MAD1L1: variants seen among roughly 807,000 people sequenced by gnomAD.
MAD1L1 encodes the protein mitotic spindle assembly checkpoint protein MAD1.
Under a neutral mutation model 96.9 loss-of-function variants are expected in MAD1L1, and 95 were observed. The ratio of observed to expected loss-of-function variants is 0.98; its 90% confidence interval spans 0.83 to 1.16. The LOEUF (loss-of-function observed/expected upper bound fraction) is 1.16, where lower values mean the gene tolerates loss of function less well. Ranked by LOEUF, MAD1L1 falls within the 50% of genes most tolerant of loss-of-function variation. MAD1L1 has a pLI of 0.00. For missense variants in MAD1L1, 1,007 were observed against 954.4 expected (o/e 1.06, Z -0.73); for synonymous variants, 473 against 396.6 (o/e 1.19, Z -2.29).
At position 2,181,208 on chromosome 7, in the gene MAD1L1, T is replaced by G. The variant is rs1209586658; in HGVS notation, c.987-31970A>C. Among the ~76,000 whole-genome samples, 8 of 152,268 alleles carry G rather than the reference T, an allele frequency of 5.3e-5. No homozygotes were observed. In the South Asian group the frequency reaches 1.0e-3, roughly 20 times the overall value. On this transcript the variant is annotated intron_variant, in intron 10 of 18. Transcript: ENST00000265854. Reference sequence around the variant, plus strand: ...TTTCTCCACCATGTATGAATTATACTTTCTTGCTTCTTGCATGTCTTCCGA... The same window carrying G: ...TTTCTCCACCATGTATGAATTATACGTTCTTGCTTCTTGCATGTCTTCCGA...
chr7:2,024,478 T>C (rs1047800683), intron 12 of MAD1L1, among the ~76,000 whole-genome samples: 1 of 152,224 alleles, frequency 6.6e-6, no homozygotes, highest in Admixed American at 6.5e-5. Flanking sequence ...GATCAGCATG[T>C]TGCTGTCACA....
rs528218433 is a variant in MAD1L1 at position 2,229,072 on chromosome 7, T to C, written c.150+912A>G. Among the ~76,000 whole-genome samples the C allele has an allele frequency of 6.6e-5, 10 of 152,334 alleles. No individual in the cohort carries two copies. The South Asian group carries it at 1.7e-3, about 25-fold the overall frequency. On this transcript the variant is annotated intron_variant, in intron 3 of 18. Coordinates refer to ENST00000265854, the MANE Select transcript of MAD1L1 (RefSeq NM_001013836.2). ...TAATAAACACACATTAATTCAATTATGCAACAAAACAAATGCACACGCACA... is the reference window on the plus strand; with the variant it reads ...TAATAAACACACATTAATTCAATTACGCAACAAAACAAATGCACACGCACA...
intron 18 of MAD1L1, among the ~76,000 whole-genome samples, chr7:1,863,719 G>A (rs185983557): frequency 1.2e-3 from 182 of 152,306 alleles, no homozygotes; most frequent in Middle Eastern, 3.4e-3. Context: ...GAGGGTGGCC[G>A]GCCTGCAGTC....
chr7:1,892,650 C>G (rs143054521), intron 18 of MAD1L1, among the ~76,000 whole-genome samples: 3 of 151,842 alleles, frequency 2.0e-5, no homozygotes, highest in Non-Finnish European at 4.4e-5. Context: ...GAGGCTGGAC[C>G]TGTATACCTT....
chr7:2,216,823 C>G (rs1453594651), intron 7 of MAD1L1, among the ~76,000 whole-genome samples: 1 of 152,182 alleles, frequency 6.6e-6, no homozygotes, highest in African/African-American at 2.4e-5. Context: ...CTAAACTGCC[C>G]CAGGTCCTCA....
intron 15 of MAD1L1, among the ~76,000 whole-genome samples, chr7:1,978,001 G>A (rs1780724687): frequency 6.6e-6 from 1 of 152,220 alleles, no homozygotes; most frequent in Non-Finnish European, 1.5e-5. Flanking sequence ...GTGGCATTCA[G>A]GACCTTGCAG....
chr7:1,980,364 C>G, intron 15 of MAD1L1, 89 bp downstream of exon 15: 1 of 1,140,100 alleles, frequency 8.8e-7, no homozygotes, highest in South Asian at 1.4e-5. Context: ...GCGTATCTGC[C>G]TCCTCCCCCG....
At chr7:1,907,544 G>A (rs749606121) in intron 17 of MAD1L1, among the ~76,000 whole-genome samples, 33 of 152,244 alleles carry the variant, frequency 2.2e-4, no homozygotes, top group Admixed American at 7.2e-4. Context: ...GCGTAGGCCC[G>A]GCCCCACTGA....
intron 18 of MAD1L1, among the ~76,000 whole-genome samples, chr7:1,825,257 C>T (rs899426825): frequency 1.3e-5 from 2 of 152,212 alleles, no homozygotes; most frequent in Non-Finnish European, 2.9e-5. Flanking sequence ...CTCATCTGCC[C>T]GTCTGCCTGG....
intron 11 of MAD1L1, among the ~76,000 whole-genome samples, chr7:2,087,302 G>C (rs985773959): frequency 6.6e-6 from 1 of 152,218 alleles, no homozygotes; most frequent in Admixed American, 6.5e-5. Flanking sequence ...CACTTCGGGA[G>C]GGTGAGGCGG....
chr7:2,217,148 G>A (rs978612095), intron 7 of MAD1L1, among the ~76,000 whole-genome samples: 3 of 152,226 alleles, frequency 2.0e-5, no homozygotes, highest in African/African-American at 7.2e-5. Context: ...CAGCACGTGT[G>A]ACAGCTCAGT....
chr7:2,204,476 C>T (rs1457645429), intron 10 of MAD1L1, among the ~76,000 whole-genome samples: 3 of 152,204 alleles, frequency 2.0e-5, no homozygotes, highest in Admixed American at 1.3e-4. Context: ...TATCCCAGCA[C>T]GAGACTCCAG....
At chr7:2,210,415 C>T (rs899886767) in intron 10 of MAD1L1, among the ~76,000 whole-genome samples, 3 of 144,118 alleles carry the variant, frequency 2.1e-5, no homozygotes, top group African/African-American at 7.5e-5. Context: ...TTCTAGGAGC[C>T]GTATTCGGGA....
At chr7:2,198,965 G>T (rs1792138689) in intron 10 of MAD1L1, among the ~76,000 whole-genome samples, 2 of 152,182 alleles carry the variant, frequency 1.3e-5, no homozygotes, top group Admixed American at 1.3e-4. Flanking sequence ...CGCGCTGTGG[G>T]GCCCGACAGG....
At chr7:1,864,223 C>T (rs1446192611) in intron 18 of MAD1L1, among the ~76,000 whole-genome samples, 1 of 152,200 alleles carries the variant, frequency 6.6e-6, no homozygotes, top group Non-Finnish European at 1.5e-5. Flanking sequence ...CTTTCCTGGC[C>T]ACTTGTGTTG....
intron 11 of MAD1L1, among the ~76,000 whole-genome samples, chr7:2,118,633 G>A (rs1032348053): frequency 6.6e-6 from 1 of 152,206 alleles, no homozygotes; most frequent in African/African-American, 2.4e-5. Flanking sequence ...GGCAGGTGAC[G>A]GAAGTGAAGG....
At chr7:2,051,438 T>C (rs1241899285) in intron 12 of MAD1L1, among the ~76,000 whole-genome samples, 1 of 152,146 alleles carries the variant, frequency 6.6e-6, no homozygotes, top group Non-Finnish European at 1.5e-5. Flanking sequence ...GGGATCTGGA[T>C]GAAGTGGTGG....
chr7:1,910,360 T>A (rs938761180), intron 17 of MAD1L1, among the ~76,000 whole-genome samples: 1 of 152,152 alleles, frequency 6.6e-6, no homozygotes, highest in Non-Finnish European at 1.5e-5. Context: ...GAGGCCAGAA[T>A]CCAGCTCCAC....
chr7:2,209,567 C>G (rs1032641048), intron 10 of MAD1L1, among the ~76,000 whole-genome samples: 1 of 152,230 alleles, frequency 6.6e-6, no homozygotes, highest in Non-Finnish European at 1.5e-5. Context: ...TGTCAGCAAG[C>G]AAGTCCCATG....
Sources: allele counts gnomAD v4.1 joint callset (sites outside exome capture counted in the v4.1 genomes callset), GRCh38; gene constraint gnomAD v4.1.1; transcripts MANE v1.5; gene names NCBI Gene and HGNC (gene_info 2026-07-23, HGNC 2026-07-21).